Variants in LIN7A observed in about 807,000 individuals in gnomAD.
The protein encoded by LIN7A is protein lin-7 homolog A.
LIN7A carries 25 observed loss-of-function variants against 29.8 expected under a neutral mutation model. The ratio of observed to expected loss-of-function variants is 0.84; its 90% confidence interval spans 0.61 to 1.17. LIN7A has a LOEUF of 1.17. Among genes scored for constraint, LIN7A ranks in the 50% most tolerant of loss-of-function variants. LIN7A has a pLI of 0.00. For missense variants in LIN7A, 239 were observed against 287.0 expected, an observed-to-expected ratio of 0.83 and a Z score of 1.21; for synonymous variants, 118 against 107.5, an observed-to-expected ratio of 1.10 and a Z score of -0.60.
At chr12:80,834,990 C>T (rs1390154650) in intron 4 of LIN7A, among the ~76,000 whole-genome samples, 2 of 152,116 alleles carry the variant, frequency 1.3e-5, no homozygotes, top group Non-Finnish European at 2.9e-5. Flanking sequence ...GAATCATTGG[C>T]TTTTCACTAA....
intron 1 of LIN7A, among the ~76,000 whole-genome samples, chr12:80,924,778 T>A: frequency 6.6e-6 from 1 of 152,336 alleles, no homozygotes; most frequent in East Asian, 1.9e-4. Flanking sequence ...TTGATATCTG[T>A]ATATGATTAG....
At chr12:80,896,757 T>C (rs887031360) in intron 1 of LIN7A, among the ~76,000 whole-genome samples, 7 of 152,252 alleles carry the variant, frequency 4.6e-5, no homozygotes, top group African/African-American at 1.2e-4. Context: ...CTGAAGTGTA[T>C]CACAAAAAAA....
intron 4 of LIN7A, among the ~76,000 whole-genome samples, chr12:80,840,819 C>A (rs1298082479): frequency 6.6e-6 from 1 of 152,028 alleles, no homozygotes; most frequent in East Asian, 1.9e-4. Flanking sequence ...GACTTTGGGG[C>A]CAACCATTCC....
intron 4 of LIN7A, among the ~76,000 whole-genome samples, chr12:80,814,377 C>T (rs1035951632): frequency 6.6e-6 from 1 of 151,986 alleles, no homozygotes; most frequent in African/African-American, 2.4e-5. Context: ...ACATACCCTT[C>T]TCTAATTTCT....
In LIN7A at chr12:80,800,489, C is replaced by CAAAAAAA. The variant is rs55772850; in HGVS notation, c.*1-2770_*1-2764dup. Among the ~76,000 whole-genome samples the CAAAAAAA allele has an allele frequency of 2.6e-3, 100 of 38,078 alleles. 6 individuals are homozygous for CAAAAAAA. Among genetic ancestry groups the CAAAAAAA allele is most frequent in the African/African-American group, 8.3e-3 (93 of 11,160 alleles). 25.0% of individuals were successfully genotyped at this position (38,078 alleles called of 152,430 possible). The stretch of plus-strand genomic sequence containing the variant: ...GGGCAGCAAGAGTGAAACTCCGTCT[C>CAAAAAAA]AAAAAAAAAAAAAAAAAAAAAAAAA... On this transcript the variant is annotated intron_variant, in intron 5 of 5. Transcript: ENST00000552864.
At chr12:80,878,776 C>T (rs148842080) in intron 2 of LIN7A, among the ~76,000 whole-genome samples, 164 of 152,276 alleles carry the variant, frequency 1.1e-3, no homozygotes, top group Non-Finnish European at 1.9e-3. Flanking sequence ...TTACAAACCT[C>T]TAGCCACAGA....
intron 1 of LIN7A, among the ~76,000 whole-genome samples, chr12:80,907,500 A>C (rs1876546563): frequency 6.6e-6 from 1 of 152,178 alleles, no homozygotes; most frequent in Non-Finnish European, 1.5e-5. Flanking sequence ...ATTGTAACTG[A>C]AATTTTTGAA....
intron 4 of LIN7A, among the ~76,000 whole-genome samples, chr12:80,813,472 T>C (rs1358501748): frequency 6.6e-6 from 1 of 152,174 alleles, no homozygotes; most frequent in Non-Finnish European, 1.5e-5. Context: ...GCCCTTATTA[T>C]AAGTGAATAA....
chr12:80,889,453 T>C lies in LIN7A; in HGVS notation c.83-84A>G, dbSNP rs1408275680. The C allele has an allele frequency of 7.0e-6, 6 of 855,880 alleles. No homozygotes were observed. In the East Asian group the frequency reaches 1.5e-4, roughly 22 times the overall value. 53.0% of individuals were successfully genotyped at this position (855,880 alleles called of 1,614,324 possible). A position where few individuals can be genotyped will look rare whatever the true frequency, so the allele number is the denominator to read the frequency against. Reference sequence around the variant, plus strand: ...AAGTACTATTATTCCAGTTGGATGATGACATTGAAAAGCAAGTGGACTTAA... The same window carrying C: ...AAGTACTATTATTCCAGTTGGATGACGACATTGAAAAGCAAGTGGACTTAA... On this transcript the variant is annotated intron_variant, in intron 1 of 5. Coordinates refer to ENST00000552864, the MANE Select transcript of LIN7A (RefSeq NM_004664.4).
rs1355747924 is a variant in LIN7A, at chr12:80,795,507, T to C, written c.*2220A>G. The C allele has an allele frequency of 6.6e-6, 1 of 152,120 alleles. No individual in the cohort carries two copies. The highest frequency in any genetic ancestry group is 6.6e-5 in the Admixed American group (1 of 15,258). 9.4% of individuals were successfully genotyped at this position (152,120 alleles called of 1,614,324 possible). On this transcript the variant is annotated 3_prime_UTR_variant, in exon 6 of 6. Transcript: ENST00000552864. ...AAACTATCTTACCATTTGATAGTTG[T>C]TTCTGTAACACTGTGACAATATTTG...
chr12:80,878,457 G>T lies in LIN7A; in HGVS notation c.201+10794C>A, dbSNP rs572576772. 2.2e-4 allele frequency among the ~76,000 whole-genome samples: 33 copies of T among 152,304 alleles called. 1 individual carries two copies. The highest frequency in any genetic ancestry group is 7.9e-4 in the African/African-American group (33 of 41,570). The stretch of plus-strand genomic sequence containing the variant: ...GTGTCTGGAGTTTGTTCCTGCTGGT[G>T]GGTTTGTGGTCTCGCTGACTTCAAG... On this transcript the variant is annotated intron_variant, in intron 2 of 5. Coordinates refer to ENST00000552864, the MANE Select transcript of LIN7A (RefSeq NM_004664.4).
chr12:80,918,875 G>T (rs1877156592), intron 1 of LIN7A, among the ~76,000 whole-genome samples: 1 of 152,184 alleles, frequency 6.6e-6, no homozygotes, highest in Non-Finnish European at 1.5e-5. Context: ...GATCTCATAA[G>T]ATTATGATAC....
intron 1 of LIN7A, among the ~76,000 whole-genome samples, chr12:80,906,536 A>G (rs1361037417): frequency 6.6e-6 from 1 of 151,926 alleles, no homozygotes; most frequent in East Asian, 1.9e-4. Context: ...TCTCAGGTTC[A>G]TGCTTTGGGG....
intron 1 of LIN7A, among the ~76,000 whole-genome samples, chr12:80,911,268 ATTTTTT>A (rs768907424): frequency 2.8e-5 from 3 of 105,886 alleles, no homozygotes; most frequent in African/African-American, 7.1e-5. Context: ...AAGTTTGTCT[ATTTTTT>A]TTTTTTTTTT....
At chr12:80,917,777 C>G (rs187567419) in intron 1 of LIN7A, among the ~76,000 whole-genome samples, 108 of 152,274 alleles carry the variant, frequency 7.1e-4, no homozygotes, top group Non-Finnish European at 1.2e-3. Flanking sequence ...TCAAACATAA[C>G]CTTTTCCCTC....
rs77392459 is a variant in LIN7A, at chr12:80,798,537, CCAA to C, written c.*1-814_*1-812del. Among the ~76,000 whole-genome samples, 77 of 152,216 alleles carry C rather than the reference CCAA, an allele frequency of 5.1e-4. 1 individual carries two copies. In the East Asian group the frequency reaches 0.012, roughly 24 times the overall value. On this transcript the variant is annotated intron_variant, in intron 5 of 5. Transcript: ENST00000552864. ...ACCCATTGTGTTTCCTCAGGAGTCA[CCAA>C]CGAGATATTATATAACAACACATAA... is the stretch of plus-strand genomic sequence containing the variant.
In LIN7A at chr12:80,843,480, T is replaced by G. The variant is rs147444757; in HGVS notation, c.483+2250A>C. 1.2e-4 allele frequency among the ~76,000 whole-genome samples: 19 copies of G among 152,300 alleles called. No individual in the cohort carries two copies. The East Asian group carries it at 3.3e-3, about 26-fold the overall frequency. On this transcript the variant is annotated intron_variant, in intron 4 of 5. Transcript: ENST00000552864. ...TGTGAGTCGAACACTGCCTTCTTGC[T>G]AATTAACGTTTGCTAACATATGCTT...
At chr12:80,898,532 G>T (rs1041903370) in intron 1 of LIN7A, among the ~76,000 whole-genome samples, 1 of 151,848 alleles carries the variant, frequency 6.6e-6, no homozygotes, top group Non-Finnish European at 1.5e-5. Context: ...AAGAATTGTA[G>T]TTTGATAGGA....
At chr12:80,878,459 G>A (rs1271322470) in intron 2 of LIN7A, among the ~76,000 whole-genome samples, 1 of 152,164 alleles carries the variant, frequency 6.6e-6, no homozygotes, top group East Asian at 1.9e-4. Context: ...CTGCTGGTGG[G>A]TTTGTGGTCT....
Sources: gnomAD v4.1 joint callset for allele counts (sites outside exome capture counted in the v4.1 genomes callset) on GRCh38, gnomAD v4.1.1 for gene constraint, MANE v1.5 for transcripts, NCBI Gene and HGNC (gene_info 2026-07-23, HGNC 2026-07-21) for gene names.